STRBP: variants seen among roughly 807,000 people sequenced by gnomAD.
STRBP encodes spermatid perinuclear RNA-binding protein.
Under a neutral mutation model 80.1 loss-of-function variants are expected in STRBP, and 13 were observed. The ratio of observed to expected loss-of-function variants is 0.16; its 90% CI spans 0.11 to 0.26. The LOEUF (loss-of-function observed/expected upper bound fraction) is 0.26. Ranked by LOEUF, STRBP falls within the 10% of genes least tolerant of loss-of-function variation. The probability of loss-of-function intolerance (pLI) is 1.00; values close to 1 mark genes in which losing one functional copy is unlikely to be tolerated. For missense variants in STRBP, 485 were observed against 815.2 expected (o/e 0.59, Z 4.93); for synonymous variants, 284 against 291.2 (o/e 0.98, Z 0.25).
At chr9:123,183,763 C>G (rs1381720083) in intron 3 of STRBP, among the ~76,000 whole-genome samples, 1 of 152,124 alleles carries the variant, frequency 6.6e-6, no homozygotes, top group Non-Finnish European at 1.5e-5. Flanking sequence ...ATTCATATCA[C>G]TAATTAAAGG....
chr9:123,150,671 G>T (rs1293390677), intron 11 of STRBP, among the ~76,000 whole-genome samples: 8 of 152,114 alleles, frequency 5.3e-5, no homozygotes, highest in Non-Finnish European at 1.0e-4. Context: ...AACCCTAGGG[G>T]CATCTTCCTA....
chr9:123,158,067 G>A lies in STRBP; in HGVS notation c.990C>T (p.Pro330=). 6.2e-7 allele frequency: 1 copy of A among 1,609,488 alleles called. No individual in the cohort carries two copies. Among genetic ancestry groups the A allele is most frequent in the Non-Finnish European group, 8.5e-7 (1 of 1,178,590 alleles). The change falls in exon 11 of 19, where the codon CCC becomes CCT. Residue 330 remains proline, a synonymous_variant. Coordinates refer to ENST00000348403, the MANE Select transcript of STRBP (RefSeq NM_018387.5). Reference sequence around the variant, plus strand: ...TCTGAAAAGGCTTACTAGATGGAAGGGGGTCCATCTCCAGCACTTTGTAAA... The same window carrying A: ...TCTGAAAAGGCTTACTAGATGGAAGAGGGTCCATCTCCAGCACTTTGTAAA... ...GQIYKVLEMD[P]LPSSKPFQKY...
chr9:123,116,187 C>G, intron 2 of STRBP: 1 of 440,254 alleles, frequency 2.3e-6, no homozygotes. Context: ...CCAGATTGCT[C>G]TGGAAAATGT....
At chr9:123,232,324 C>CAAA (rs1274474218) in intron 2 of STRBP, among the ~76,000 whole-genome samples, 1 of 151,892 alleles carries the variant, frequency 6.6e-6, no homozygotes, top group Non-Finnish European at 1.5e-5. Context: ...AAAAAAGAAA[C>CAAA]AAAAAAACCT....
chr9:123,152,593 G>A (rs776515452), intron 11 of STRBP, among the ~76,000 whole-genome samples: 3 of 151,868 alleles, frequency 2.0e-5, no homozygotes, highest in Admixed American at 6.6e-5. Context: ...TGGACCCTAA[G>A]GGCATTATGC....
At chr9:123,210,764 G>C (rs930480823) in intron 2 of STRBP, among the ~76,000 whole-genome samples, 2 of 152,026 alleles carry the variant, frequency 1.3e-5, no homozygotes, top group Non-Finnish European at 2.9e-5. Context: ...GGGAGACGGA[G>C]GCTGCAGTGA....
At chr9:123,229,187 GA>G (rs2040328997) in intron 2 of STRBP, among the ~76,000 whole-genome samples, 1 of 152,196 alleles carries the variant, frequency 6.6e-6, no homozygotes, top group African/African-American at 2.4e-5. Context: ...GAGGAAGGGT[GA>G]AACAGGGAGT....
chr9:123,241,713 T>C (rs951900342), intron 1 of STRBP, among the ~76,000 whole-genome samples: 13 of 152,154 alleles, frequency 8.5e-5, no homozygotes, highest in Admixed American at 3.3e-4. Context: ...CTTGAAAATA[T>C]ATCCTGAATC....
chr9:123,213,109 C>T (rs1588111212), intron 2 of STRBP, among the ~76,000 whole-genome samples: 1 of 152,160 alleles, frequency 6.6e-6, no homozygotes, highest in African/African-American at 2.4e-5. Context: ...CCTATGTGCT[C>T]CCAAGGCCGC....
intron 4 of STRBP, among the ~76,000 whole-genome samples, chr9:123,177,415 T>G (rs2038269067): frequency 1.3e-5 from 2 of 152,054 alleles, no homozygotes; most frequent in Non-Finnish European, 2.9e-5. Context: ...GAAATTCTTT[T>G]TTTTTAAATT....
intron 2 of STRBP, among the ~76,000 whole-genome samples, chr9:123,224,825 C>T (rs1484014676): frequency 6.6e-6 from 1 of 152,164 alleles, no homozygotes; most frequent in Non-Finnish European, 1.5e-5. Context: ...TAAAGCTGAA[C>T]ATACACAGAA....
chr9:123,246,590 A>G (rs1219656022), intron 1 of STRBP, among the ~76,000 whole-genome samples: 1 of 152,264 alleles, frequency 6.6e-6, no homozygotes, highest in Non-Finnish European at 1.5e-5. Context: ...AAAATTAAGT[A>G]AAACAACAAT....
At chr9:123,226,783 GAGGAAGAGCAATGT>G (rs2040249958) in intron 2 of STRBP, among the ~76,000 whole-genome samples, 1 of 152,070 alleles carries the variant, frequency 6.6e-6, no homozygotes, top group African/African-American at 2.4e-5. Flanking sequence ...GCGGGGTGGG[GAGGAAGAGCAATGT>G]ATCACTGTCT....
At chr9:123,208,994 C>A (rs1393541930) in intron 2 of STRBP, among the ~76,000 whole-genome samples, 1 of 152,198 alleles carries the variant, frequency 6.6e-6, no homozygotes, top group African/African-American at 2.4e-5. Flanking sequence ...TGCTTGCATT[C>A]CAGCTCAGCA....
chr9:123,252,424 C>G (rs1177497308), intron 1 of STRBP, among the ~76,000 whole-genome samples: 2 of 152,164 alleles, frequency 1.3e-5, no homozygotes, highest in African/African-American at 4.8e-5. Context: ...ACAAATCTGA[C>G]CAACTCCAGA....
At chr9:123,187,268 TAAA>T (rs5900565) in intron 2 of STRBP, among the ~76,000 whole-genome samples, 34 of 138,728 alleles carry the variant, frequency 2.5e-4, no homozygotes, top group Non-Finnish European at 2.8e-4. Context: ...TTCAGCTATT[TAAA>T]AAAAAAAAAA....
intron 1 of STRBP, among the ~76,000 whole-genome samples, chr9:123,261,550 A>G (rs2041161606): frequency 6.6e-6 from 1 of 152,346 alleles, no homozygotes; most frequent in Admixed American, 6.5e-5. Context: ...ACCAACTTCA[A>G]AAGTCAATGT....
rs2035770677 is a variant in STRBP, at chr9:123,122,708, G to A, written c.*2889C>T. On this transcript the variant is annotated 3_prime_UTR_variant, in exon 19 of 19. Transcript: ENST00000348403. ...TCCCTGGCTAGGGGCCAGTCCCCGT[G>A]CAGAGGATATGGCTTCAAGGAGGAC... The A allele has an allele frequency of 2.0e-6, 2 of 1,004,944 alleles. No individual in the cohort carries two copies. Among genetic ancestry groups the A allele is most frequent in the Non-Finnish European group, 2.4e-6 (2 of 842,588 alleles). 62.3% of individuals were successfully genotyped at this position (1,004,944 alleles called of 1,614,324 possible).
chr9:123,233,963 G>T (rs1055764042), intron 2 of STRBP, among the ~76,000 whole-genome samples: 1 of 152,112 alleles, frequency 6.6e-6, no homozygotes, highest in African/African-American at 2.4e-5. Flanking sequence ...CACTTTGGGA[G>T]GCCAAGGCGG....
Sources: gnomAD v4.1 joint callset for allele counts (sites outside exome capture counted in the v4.1 genomes callset) on GRCh38, gnomAD v4.1.1 for gene constraint, MANE v1.5 for transcripts, NCBI Gene and HGNC (gene_info 2026-07-23, HGNC 2026-07-21) for gene names.